The following NLRC3 variants were observed in gnomAD, a reference collection of about 807,000 sequenced individuals.
NLRC3 encodes the protein NLR family CARD domain containing 3.
NLRC3 carries 87 observed loss-of-function variants against 91.6 expected under a neutral mutation model. The ratio of observed to expected loss-of-function variants is 0.95; its 90% CI spans 0.80 to 1.14. The LOEUF is 1.14. NLRC3 is among the 50% of genes most tolerant of loss of function. The pLI is 0.00. For synonymous variants in NLRC3, 694 were observed against 625.3 expected, an observed-to-expected ratio of 1.11 and a Z score of -1.64; for missense variants, 1,577 against 1,418.6, an observed-to-expected ratio of 1.11 and a Z score of -1.79.
At chr16:3,548,893 T>C in intron 13 of NLRC3, 140 bp from the exon 14 acceptor site, 3 of 675,324 alleles carry the variant, frequency 4.4e-6, no homozygotes, top group Non-Finnish European at 7.8e-6. Context: ...CGTTGCCCAA[T>C]GGCATGGTAA....
chr16:3,564,795 G>T lies in NLRC3; in HGVS notation c.179-37C>A. 6.4e-7 allele frequency: 1 copy of T among 1,567,712 alleles called. No homozygotes were observed. Among genetic ancestry groups the T allele is most frequent in the Non-Finnish European group, 8.6e-7 (1 of 1,159,392 alleles). On this transcript the variant is annotated intron_variant, in intron 4 of 19. Coordinates refer to ENST00000359128, the MANE Select transcript of NLRC3 (RefSeq NM_178844.4). This position sits in a 1 kb window ranked among gnomAD's most constrained non-coding sequence, Gnocchi z 5.9. ...AGGCCAGTGGGGAGGTCTGGTAAGGGAAGAGTGGGCACAATCAGCCCAGGT... is the reference window on the plus strand; with the variant it reads ...AGGCCAGTGGGGAGGTCTGGTAAGGTAAGAGTGGGCACAATCAGCCCAGGT...
chr16:3,557,329 G>A (rs117374349), intron 7 of NLRC3, among the ~76,000 whole-genome samples: 19 of 152,300 alleles, frequency 1.2e-4, no homozygotes, highest in South Asian at 4.1e-4. Context: ...GGTTCAGCCC[G>A]GCTGTCCTTC....
chr16:3,557,726 T>C (rs764847941), intron 6 of NLRC3, 50 bp from the exon 7 acceptor site: 3 of 1,163,134 alleles, frequency 2.6e-6, no homozygotes, highest in South Asian at 1.3e-5. Flanking sequence ...GCACATCTCA[T>C]GGCCTCTTCC....
chr16:3,572,632 T>C (rs2040138133), intron 1 of NLRC3, among the ~76,000 whole-genome samples: 1 of 152,202 alleles, frequency 6.6e-6, no homozygotes. Flanking sequence ...TATAAATTAG[T>C]ATAACAATTC....
Position 3,564,201 on chromosome 16 carries a change from C to G in NLRC3, c.736G>C (p.Asp246His). 2 of 1,613,458 alleles carry G rather than the reference C, an allele frequency of 1.2e-6. No homozygotes were observed. Among genetic ancestry groups the G allele is most frequent in the Non-Finnish European group, 1.7e-6 (2 of 1,179,896 alleles). The change falls in exon 5 of 20, where the codon GAC becomes CAC. Residue 246 changes from aspartate (D) to histidine (H), a missense_variant. Asp to His is a moderately conservative substitution (Grantham distance 81). Coordinates refer to ENST00000359128, the MANE Select transcript of NLRC3 (RefSeq NM_178844.4). The surrounding 1 kb of genome is among the most constrained non-coding windows in gnomAD (Gnocchi z 5.9). ...CTDPKKEIPV[D>H]HLITNIIRGN... The stretch of plus-strand genomic sequence containing the variant: ...CGGATGATGTTGGTGATCAGGTGGT[C>G]CACCGGGATCTCCTTCTTTGGGTCC...
chr16:3,549,839 T>A, intron 11 of NLRC3, 59 bp from the exon 12 acceptor site: 2 of 1,270,214 alleles, frequency 1.6e-6, no homozygotes, highest in Admixed American at 4.1e-5. Flanking sequence ...GGAGCTGCCC[T>A]GTCCCAGTCT....
At chr16:3,567,874 CT>C (rs201945750) in intron 1 of NLRC3, among the ~76,000 whole-genome samples, 129 of 134,652 alleles carry the variant, frequency 9.6e-4, no homozygotes, top group Admixed American at 5.1e-3. Flanking sequence ...TTCTTTCTTT[CT>C]TTTTTTTTTG....
rs772977742 is a variant in NLRC3 at position 3,564,205 on chromosome 16, C to T, written c.732G>A (p.Pro244=). 35 of 1,613,298 alleles carry T rather than the reference C, an allele frequency of 2.2e-5. No individual in the cohort carries two copies. Among genetic ancestry groups the T allele is most frequent in the Middle Eastern group, 3.3e-4 (2 of 6,084 alleles). The change falls in exon 5 of 20, where the codon CCG becomes CCA. Residue 244 remains proline, a synonymous_variant. Coordinates refer to ENST00000359128, the MANE Select transcript of NLRC3 (RefSeq NM_178844.4). The surrounding 1 kb of genome is among the most constrained non-coding windows in gnomAD (Gnocchi z 5.9). The part of the protein sequence containing the change: ...VACTDPKKEI[P]VDHLITNIIR... ...TGATGTTGGTGATCAGGTGGTCCAC[C>T]GGGATCTCCTTCTTTGGGTCCGTGC...
At position 3,540,206 on chromosome 16, in the gene NLRC3, A is replaced by G. The variant is rs1452210898; in HGVS notation, c.*1619T>C. On this transcript the variant is annotated 3_prime_UTR_variant, in exon 20 of 20. Transcript: ENST00000359128. ...GGTGCCGTTTTGAGACTGCAAGGAT[A>G]TCATCTTCCCGAGTAGGCCTTCATC... The G allele has an allele frequency of 6.6e-6, 1 of 152,248 alleles. No homozygotes were observed. Among genetic ancestry groups the G allele is most frequent in the African/African-American group, 2.4e-5 (1 of 41,456 alleles). 9.4% of individuals were successfully genotyped at this position (152,248 alleles called of 1,614,324 possible). A position where few individuals can be genotyped will look rare whatever the true frequency, so the allele number is the denominator to read the frequency against.
rs1261103495 is a variant in NLRC3 at position 3,548,228 on chromosome 16, C to G, written c.2688-10G>C. ...GAAGTTCCACTGCAGGCTGGGCAGA[C>G]ACAGACACATGTGACTATGTGACTA... On this transcript the variant is annotated splice_polypyrimidine_tract_variant and intron_variant, in intron 14 of 19. Coordinates refer to ENST00000359128, the MANE Select transcript of NLRC3 (RefSeq NM_178844.4). The G allele has an allele frequency of 1.3e-6, 2 of 1,584,832 alleles. No individual in the cohort carries two copies. The highest frequency in any genetic ancestry group is 1.8e-5 in the Admixed American group (1 of 56,034).
At chr16:3,559,693 C>T (rs1244430654) in intron 6 of NLRC3, among the ~76,000 whole-genome samples, 1 of 145,724 alleles carries the variant, frequency 6.9e-6, no homozygotes, top group Non-Finnish European at 1.5e-5. Context: ...GGCTGGAGTG[C>T]AGTGGCGCAA....
chr16:3,552,055 A>G, intron 10 of NLRC3, 141 bp downstream of exon 10: 1 of 612,958 alleles, frequency 1.6e-6, no homozygotes, highest in Non-Finnish European at 3.0e-6. Context: ...CTAGTCACCC[A>G]TCCATCCATC....
rs2038341740 is a variant in NLRC3 at position 3,540,174 on chromosome 16, T to A, written c.*1651A>T. The A allele has an allele frequency of 6.6e-6, 1 of 152,220 alleles. No homozygotes were observed. The highest frequency in any genetic ancestry group is 1.5e-5 in the Non-Finnish European group (1 of 68,042). 9.4% of individuals were successfully genotyped at this position (152,220 alleles called of 1,614,324 possible). On this transcript the variant is annotated 3_prime_UTR_variant, in exon 20 of 20. Transcript: ENST00000359128. ...TCCCTTTGTAAATTAGGATATCACC[T>A]TTGTGGGGTGCCGTTTTGAGACTGC...
chr16:3,557,926 G>A (rs1019904123), intron 6 of NLRC3, among the ~76,000 whole-genome samples: 10 of 152,166 alleles, frequency 6.6e-5, no homozygotes, highest in Non-Finnish European at 1.2e-4. Context: ...AGTTTAACCA[G>A]AATCCAGCAC....
chr16:3,560,985 G>A (rs867716084), intron 6 of NLRC3, among the ~76,000 whole-genome samples: 10 of 151,632 alleles, frequency 6.6e-5, no homozygotes, highest in African/African-American at 1.5e-4. Flanking sequence ...ATTAAAAATT[G>A]TTTAAATTGA....
chr16:3,576,982 T>C (rs2040328710), intron 1 of NLRC3, among the ~76,000 whole-genome samples, 167 bp downstream of exon 1: 1 of 152,184 alleles, frequency 6.6e-6, no homozygotes, highest in Non-Finnish European at 1.5e-5. Context: ...ATCTCTTTTT[T>C]CTACAGCATG....
chr16:3,551,905 C>G (rs1396686794), intron 10 of NLRC3, among the ~76,000 whole-genome samples: 1 of 151,396 alleles, frequency 6.6e-6, no homozygotes, highest in African/African-American at 2.4e-5. Flanking sequence ...ATTTAACCAT[C>G]CATCCATCTA....
At chr16:3,577,116 G>A (rs1353664291) in intron 1 of NLRC3, 33 bp downstream of exon 1, 1 of 702,998 alleles carries the variant, frequency 1.4e-6, no homozygotes, top group Non-Finnish European at 2.6e-6. Context: ...TCCCTCCCCT[G>A]CCCTGCACTG....
chr16:3,554,142 C>T, intron 9 of NLRC3, 100 bp downstream of exon 9: 1 of 911,680 alleles, frequency 1.1e-6, no homozygotes, highest in South Asian at 1.4e-5. Flanking sequence ...GCCTCAGGTC[C>T]TAGCCCCATC....
Sources: gnomAD v4.1 joint callset for allele counts (sites outside exome capture counted in the v4.1 genomes callset) on GRCh38, gnomAD v4.1.1 for gene constraint, Gnocchi (gnomAD v3.1) non-coding constraint, MANE v1.5 for transcripts, NCBI Gene and HGNC (gene_info 2026-07-23, HGNC 2026-07-21) for gene names.